Variants in IGSF3 observed in about 807,000 individuals in gnomAD.
The protein encoded by IGSF3 is glu-Trp-Ile EWI motif-containing protein 3.
IGSF3 carries 23 observed loss-of-function variants against 114.4 expected under a neutral mutation model. The ratio of observed to expected loss-of-function variants is 0.20; its 90% CI spans 0.14 to 0.28. IGSF3 has a LOEUF of 0.28. Ranked by LOEUF, IGSF3 falls within the 10% of genes least tolerant of loss-of-function variation. The pLI is 1.00. For missense variants in IGSF3, 1,172 were observed against 1,591.5 expected (o/e 0.74, Z 4.48); for synonymous variants, 571 against 645.2 (o/e 0.88, Z 1.74).
rs1649288190 is a variant in IGSF3 at position 116,665,364 on chromosome 1, A to C, written c.43+920T>G. Among the ~76,000 whole-genome samples the C allele has an allele frequency of 6.6e-6, 1 of 152,212 alleles. No homozygotes were observed. Among genetic ancestry groups the C allele is most frequent in the African/African-American group, 2.4e-5 (1 of 41,450 alleles). ...CTGAATGCAGAGGACCGAGCCTTAC[A>C]GAGAGGGCAGGGGGTGTGCTCATGT... is the stretch of plus-strand genomic sequence containing the variant. On this transcript the variant is annotated intron_variant, in intron 2 of 10. Coordinates refer to ENST00000369486, the MANE Select transcript of IGSF3 (RefSeq NM_001007237.3). This position sits in a 1 kb window ranked among gnomAD's most constrained non-coding sequence, Gnocchi z 4.0.
In IGSF3 at chr1:116,616,428, C is replaced by T. The variant is rs753803458; in HGVS notation, c.73G>A (p.Val25Ile). The T allele has an allele frequency of 4.5e-5, 72 of 1,602,444 alleles. No individual in the cohort carries two copies. Among genetic ancestry groups the T allele is most frequent in the East Asian group, 2.0e-4 (9 of 44,626 alleles). ...GVVSAQRQVT[V>I]QEGPLYRTEG... Reference sequence around the variant, plus strand: ...GTGCGGTACAAGGGTCCTTCCTGAACGGTGACCTGCCGCTGTGCTGACACC... The same window carrying T: ...GTGCGGTACAAGGGTCCTTCCTGAATGGTGACCTGCCGCTGTGCTGACACC... Residue 25 changes from valine to isoleucine, a missense_variant, in exon 3 of 11, where the codon GTT (valine) becomes ATT (isoleucine). Val to Ile is a conservative substitution (Grantham distance 29, BLOSUM62 3). This residue lies in a region of IGSF3 where 736 missense variants were observed against 1,042.0 expected (regional missense o/e 0.71). Coordinates refer to ENST00000369486, the MANE Select transcript of IGSF3 (RefSeq NM_001007237.3). The surrounding 1 kb of genome is among the most constrained non-coding windows in gnomAD (Gnocchi z 6.6).
rs201676764 is a variant in IGSF3 at position 116,616,287 on chromosome 1, C to T, written c.214G>A (p.Val72Ile). The stretch of plus-strand genomic sequence containing the variant: ...GGGAAGGAAGAGTCCATGGTGCTGA[C>T]GATCTGCACCTCTCGCTCTGGCGAC... ...PSSPEREVQI[V>I]STMDSSFPYA... Residue 72 changes from valine (V) to isoleucine (I), a missense_variant, in exon 3 of 11, where the codon GTC becomes ATC. This residue lies in a region of IGSF3 where 736 missense variants were observed against 1,042.0 expected (regional missense o/e 0.71). Coordinates refer to ENST00000369486, the MANE Select transcript of IGSF3 (RefSeq NM_001007237.3). This position sits in a 1 kb window ranked among gnomAD's most constrained non-coding sequence, Gnocchi z 6.6. The T allele has an allele frequency of 3.7e-6, 6 of 1,609,566 alleles. No individual in the cohort carries two copies. Among genetic ancestry groups the T allele is most frequent in the Admixed American group, 3.3e-5 (2 of 60,014 alleles).
intron 7 of IGSF3, among the ~76,000 whole-genome samples, chr1:116,590,445 C>T (rs1660062293): frequency 6.6e-6 from 1 of 152,164 alleles, no homozygotes; most frequent in Non-Finnish European, 1.5e-5. Context: ...TCCACCTCCA[C>T]CACTCTCTTC....
At chr1:116,611,679 G>A in intron 4 of IGSF3, among the ~76,000 whole-genome samples, 1 of 151,984 alleles carries the variant, frequency 6.6e-6, no homozygotes, top group African/African-American at 2.4e-5. Flanking sequence ...TCCAGACTCA[G>A]TTCAACTCAA....
rs925395144 is a variant in IGSF3 at position 116,605,258 on chromosome 1, C to A, written c.1223-1233G>T. Among the ~76,000 whole-genome samples, 1 of 151,962 alleles carries A rather than the reference C, an allele frequency of 6.6e-6. No individual in the cohort carries two copies. The highest frequency in any genetic ancestry group is 1.5e-5 in the Non-Finnish European group (1 of 68,022). ...CACCCAATTACCAAGAGAAAACACA[C>A]ACATACACATAACAATGCATTTGAA... On this transcript the variant is annotated intron_variant, in intron 5 of 10. Coordinates refer to ENST00000369486, the MANE Select transcript of IGSF3 (RefSeq NM_001007237.3). The surrounding 1 kb of genome is among the most constrained non-coding windows in gnomAD (Gnocchi z 5.1).
rs1661290990 is a variant in IGSF3 at position 116,618,245 on chromosome 1, GAAAT to G, written c.44-1792_44-1789del. 6.6e-6 allele frequency among the ~76,000 whole-genome samples: 1 copy of G among 152,190 alleles called. No individual in the cohort carries two copies. Among genetic ancestry groups the G allele is most frequent in the Non-Finnish European group, 1.5e-5 (1 of 68,044 alleles). ...AAAAATACAAAATTGGCAGGGGAAG[GAAAT>G]AAACAGAACAAGTGGTATCTGAATT... On this transcript the variant is annotated intron_variant, in intron 2 of 10. Transcript: ENST00000369486. The surrounding 1 kb of genome is among the most constrained non-coding windows in gnomAD (Gnocchi z 4.7).
chr1:116,663,494 G>T (rs1649197157), intron 2 of IGSF3, among the ~76,000 whole-genome samples: 1 of 151,816 alleles, frequency 6.6e-6, no homozygotes, highest in East Asian at 1.9e-4. Context: ...AAGGGTTGTG[G>T]TGGCAGAGCC....
At position 116,583,958 on chromosome 1, in the gene IGSF3, G is replaced by A. The variant is rs994238164; in HGVS notation, c.2848+687C>T. ...TCCCACCACTTTGAAAAGCCGAGGC[G>A]GTGGTGGGGGTCACGAGGTCAGGAG... On this transcript the variant is annotated intron_variant, in intron 9 of 10. Coordinates refer to ENST00000369486, the MANE Select transcript of IGSF3 (RefSeq NM_001007237.3). This position sits in a 1 kb window ranked among gnomAD's most constrained non-coding sequence, Gnocchi z 4.5. Among the ~76,000 whole-genome samples the A allele has an allele frequency of 1.3e-5, 2 of 152,142 alleles. No individual in the cohort carries two copies. The highest frequency in any genetic ancestry group is 1.3e-4 in the Admixed American group (2 of 15,278).
chr1:116,650,845 C>G lies in IGSF3; in HGVS notation c.43+15439G>C, dbSNP rs1221668422. Reference sequence around the variant, plus strand: ...GAAAATGGAAAAAGAGCCATGAAATCCAAACAGATGCAAAAACGTTCTTAA... The same window carrying G: ...GAAAATGGAAAAAGAGCCATGAAATGCAAACAGATGCAAAAACGTTCTTAA... On this transcript the variant is annotated intron_variant, in intron 2 of 10. Transcript: ENST00000369486. This position sits in a 1 kb window ranked among gnomAD's most constrained non-coding sequence, Gnocchi z 5.0. Among the ~76,000 whole-genome samples, 15 of 152,216 alleles carry G rather than the reference C, an allele frequency of 9.9e-5. No homozygotes were observed. Among genetic ancestry groups the G allele is most frequent in the Admixed American group, 9.8e-4 (15 of 15,290 alleles).
intron 2 of IGSF3, among the ~76,000 whole-genome samples, chr1:116,660,796 T>C (rs1649081404): frequency 6.6e-6 from 1 of 152,176 alleles, no homozygotes; most frequent in Non-Finnish European, 1.5e-5. Flanking sequence ...TTCACCAGAC[T>C]GCCAAAAGGA....
In IGSF3 at chr1:116,588,716, T is replaced by C. The variant is rs373806166; in HGVS notation, c.2418A>G (p.Thr806=). The part of the protein sequence containing the change: ...YKLAEEVSGR[T]EVTVKQPDSR... ...TACCTGGCTGTTTCACAGTGACTTC[T>C]GTGCGCCCAGAAACCTCCTCTGCCA... is the stretch of plus-strand genomic sequence containing the variant. Residue 806 remains threonine, a synonymous_variant, in exon 8 of 11, where the codon ACA becomes ACG. Transcript: ENST00000369486. This position sits in a 1 kb window ranked among gnomAD's most constrained non-coding sequence, Gnocchi z 4.9. The C allele has an allele frequency of 2.5e-6, 4 of 1,606,828 alleles. No individual in the cohort carries two copies. In the African/African-American group the frequency reaches 5.3e-5, roughly 21 times the overall value.
rs1367922080 is a variant in IGSF3, at chr1:116,658,925, G to A, written c.43+7359C>T. On this transcript the variant is annotated intron_variant, in intron 2 of 10. Transcript: ENST00000369486. ...ATGACCTCTCCTAGAGGGCAGGGACGGGTGGTGTTCGGCAAAGCCTTGGTC... is the reference window on the plus strand; with the variant it reads ...ATGACCTCTCCTAGAGGGCAGGGACAGGTGGTGTTCGGCAAAGCCTTGGTC... Among the ~76,000 whole-genome samples, 4 of 152,308 alleles carry A rather than the reference G, an allele frequency of 2.6e-5. No individual in the cohort carries two copies. The South Asian group carries it at 6.2e-4, about 24-fold the overall frequency.
intron 5 of IGSF3, among the ~76,000 whole-genome samples, chr1:116,606,231 T>C (rs1176123991): frequency 6.6e-6 from 1 of 152,210 alleles, no homozygotes. Context: ...GGTGTGGAGT[T>C]AGAAGCAAAT....
chr1:116,653,762 T>C (rs959465711), intron 2 of IGSF3, among the ~76,000 whole-genome samples: 3 of 152,176 alleles, frequency 2.0e-5, no homozygotes, highest in African/African-American at 7.2e-5. Context: ...CCTAGAGGCA[T>C]ATTAGTTCTC....
rs796742655 is a variant in IGSF3 at position 116,594,813 on chromosome 1, G to C, written c.2029+5128C>G. On this transcript the variant is annotated intron_variant, in intron 7 of 10. Coordinates refer to ENST00000369486, the MANE Select transcript of IGSF3 (RefSeq NM_001007237.3). This position sits in a 1 kb window ranked among gnomAD's most constrained non-coding sequence, Gnocchi z 5.2. ...TAAGCATGCTGCTCCCACCCTCCGTGACTATATTTATTCACACTCTTCTCT... is the reference window on the plus strand; with the variant it reads ...TAAGCATGCTGCTCCCACCCTCCGTCACTATATTTATTCACACTCTTCTCT... 7.2e-5 allele frequency among the ~76,000 whole-genome samples: 11 copies of C among 151,960 alleles called. No homozygotes were observed. The highest frequency in any genetic ancestry group is 2.7e-4 in the African/African-American group (11 of 41,424).
intron 4 of IGSF3, among the ~76,000 whole-genome samples, chr1:116,611,594 G>A (rs1206435740): frequency 6.6e-6 from 1 of 151,842 alleles, no homozygotes; most frequent in Non-Finnish European, 1.5e-5. Context: ...AGTCATACTT[G>A]ACTCCTTTCT....
chr1:116,659,083 G>A (rs530396642), intron 2 of IGSF3, among the ~76,000 whole-genome samples: 2 of 152,262 alleles, frequency 1.3e-5, no homozygotes, highest in South Asian at 4.2e-4. Flanking sequence ...TTCCAGGCAG[G>A]GTAGAGTTAA....
At chr1:116,666,133 T>G in intron 2 of IGSF3, 151 bp downstream of exon 2, 1 of 752,434 alleles carries the variant, frequency 1.3e-6, no homozygotes, top group South Asian at 1.4e-5. Context: ...AACGGGCCTC[T>G]TCGTACTCTA....
At chr1:116,606,986 A>C (rs1168281557) in intron 5 of IGSF3, among the ~76,000 whole-genome samples, 2 of 152,238 alleles carry the variant, frequency 1.3e-5, no homozygotes, top group Non-Finnish European at 2.9e-5. Flanking sequence ...CGCTGTGGCT[A>C]CTTGAAGAGA....
Sources: gnomAD v4.1 joint callset for allele counts (sites outside exome capture counted in the v4.1 genomes callset) on GRCh38, gnomAD v4.1.1 for gene constraint, gnomAD v4.1.1 regional missense constraint, Gnocchi (gnomAD v3.1) non-coding constraint, MANE v1.5 for transcripts, NCBI Gene and HGNC (gene_info 2026-07-23, HGNC 2026-07-21) for gene names.